The following RIMS2 variants were observed in gnomAD, a reference collection of about 807,000 sequenced individuals.
The protein encoded by RIMS2 is regulating synaptic membrane exocytosis 2.
A neutral mutation model predicts 174.4 loss-of-function variants in RIMS2; 59 were observed. That is an observed-to-expected ratio of 0.34 (90% CI 0.27 to 0.42). The LOEUF (loss-of-function observed/expected upper bound fraction) is 0.42, where lower values mean the gene tolerates loss of function less well. Ranked by LOEUF, RIMS2 falls within the 10% of genes least tolerant of loss-of-function variation. The pLI, the probability that RIMS2 is intolerant of heterozygous loss-of-function variation, is 1.00. For missense variants in RIMS2, 1,620 were observed against 1,666.3 expected (o/e 0.97, Z 0.48); for synonymous variants, 606 against 572.5 (o/e 1.06, Z -0.84).
At chr8:103,598,006 T>C (rs890711764) in intron 1 of RIMS2, among the ~76,000 whole-genome samples, 4 of 152,306 alleles carry the variant, frequency 2.6e-5, no homozygotes, top group Admixed American at 6.5e-5. Context: ...TTTCTTGCTG[T>C]GGGTCAAGTT....
At chr8:104,204,600 T>C (rs981152433) in intron 19 of RIMS2, among the ~76,000 whole-genome samples, 2 of 151,962 alleles carry the variant, frequency 1.3e-5, no homozygotes, top group Non-Finnish European at 2.9e-5. Flanking sequence ...CTGACCTCAA[T>C]TCCTCAACCT....
intron 1 of RIMS2, among the ~76,000 whole-genome samples, chr8:103,558,801 G>T (rs956780715): frequency 6.6e-6 from 1 of 152,182 alleles, no homozygotes; most frequent in Non-Finnish European, 1.5e-5. Flanking sequence ...CAAACAATAT[G>T]TGCAAAAATA....
chr8:103,699,416 G>A (rs2097143349), intron 2 of RIMS2, among the ~76,000 whole-genome samples: 1 of 152,074 alleles, frequency 6.6e-6, no homozygotes. Context: ...TTTTTGTAGA[G>A]ATGGGGTCTT....
chr8:103,710,181 A>G (rs1282697000), intron 2 of RIMS2, among the ~76,000 whole-genome samples: 1 of 152,146 alleles, frequency 6.6e-6, no homozygotes, highest in Non-Finnish European at 1.5e-5. Flanking sequence ...AGTTGGTCTT[A>G]CTAAGCTTAT....
chr8:104,039,326 C>T (rs1210955314), intron 19 of RIMS2, among the ~76,000 whole-genome samples: 1 of 151,620 alleles, frequency 6.6e-6, no homozygotes. Context: ...CTATTTCTGG[C>T]TCTGCAACTG....
intron 19 of RIMS2, among the ~76,000 whole-genome samples, chr8:104,100,801 T>TATATATTATATATTATATTATATATGTA (rs1566388537): frequency 1.1e-4 from 15 of 142,026 alleles, no homozygotes; most frequent in Non-Finnish European, 1.5e-4. Flanking sequence ...TCCTGTTATA[T>TATATATTATATATTATATTATATATGTA]ATATATTATA....
chr8:103,826,172 G>A (rs2098789723), intron 3 of RIMS2, among the ~76,000 whole-genome samples: 1 of 151,950 alleles, frequency 6.6e-6, no homozygotes, highest in Admixed American at 6.6e-5. Flanking sequence ...CCATTCTGTG[G>A]TTTGCCTGTT....
At chr8:104,232,664 T>C (rs532028294) in intron 19 of RIMS2, among the ~76,000 whole-genome samples, 1 of 152,294 alleles carries the variant, frequency 6.6e-6, no homozygotes, top group East Asian at 1.9e-4. Context: ...AATCACTACA[T>C]GCTGCTACAG....
intron 3 of RIMS2, among the ~76,000 whole-genome samples, chr8:103,865,026 G>A (rs150222519): frequency 4.7e-4 from 72 of 152,016 alleles, no homozygotes; most frequent in Non-Finnish European, 8.8e-5. Flanking sequence ...AAATAACAGC[G>A]CTTCCCAAAC....
At chr8:103,646,879 G>C (rs969114802) in intron 1 of RIMS2, among the ~76,000 whole-genome samples, 1 of 152,160 alleles carries the variant, frequency 6.6e-6, no homozygotes, top group Non-Finnish European at 1.5e-5. Context: ...TGTTGAGTAG[G>C]AGTGGTAGGA....
intron 3 of RIMS2, chr8:103,768,157 G>C (rs1283596455): frequency 2.9e-6 from 1 of 343,730 alleles, no homozygotes; most frequent in Non-Finnish European, 5.6e-6. Context: ...AATGGTCAAG[G>C]TATATGAAAA....
rs530631816 is a variant in RIMS2, at chr8:103,748,837, G to A, written c.388-17390G>A. ...TTTTTTGAGACAGAGTTTTACTCTT[G>A]TTGCCCAAGCTGGAGCGCAATGGCA... On this transcript the variant is annotated intron_variant, in intron 2 of 23. Transcript: ENST00000504942. 2.0e-5 allele frequency among the ~76,000 whole-genome samples: 3 copies of A among 150,466 alleles called. No individual in the cohort carries two copies. In the South Asian group the frequency reaches 6.3e-4, roughly 32 times the overall value.
chr8:104,160,292 C>T (rs1159901254), intron 19 of RIMS2, among the ~76,000 whole-genome samples: 1 of 152,020 alleles, frequency 6.6e-6, no homozygotes, highest in Non-Finnish European at 1.5e-5. Flanking sequence ...AGTTGATATC[C>T]ACAAAATACT....
At chr8:104,108,694 T>C (rs750558091) in intron 19 of RIMS2, among the ~76,000 whole-genome samples, 28 of 152,154 alleles carry the variant, frequency 1.8e-4, no homozygotes, top group Non-Finnish European at 3.5e-4. Flanking sequence ...ATGGCAAAAA[T>C]AAGAAAATTT....
intron 3 of RIMS2, among the ~76,000 whole-genome samples, chr8:103,834,718 TTC>T (rs1482364667): frequency 1.6e-5 from 2 of 127,664 alleles, no homozygotes; most frequent in African/African-American, 3.6e-5. Flanking sequence ...CTTTCTTTCT[TTC>T]TTTCTTTCTT....
At chr8:103,522,212 T>A (rs1832039027) in intron 1 of RIMS2, among the ~76,000 whole-genome samples, 1 of 152,134 alleles carries the variant, frequency 6.6e-6, no homozygotes, top group Admixed American at 6.6e-5. Flanking sequence ...TAGGTTTGCC[T>A]AGACCTAACT....
At chr8:103,504,577 A>G (rs1364830392) in intron 1 of RIMS2, among the ~76,000 whole-genome samples, 2 of 152,074 alleles carry the variant, frequency 1.3e-5, no homozygotes, top group Non-Finnish European at 2.9e-5. Context: ...TTGTAACACA[A>G]ATTAGAAATT....
chr8:104,234,419 TA>T (rs34932905), intron 19 of RIMS2, among the ~76,000 whole-genome samples: 2,468 of 143,630 alleles, frequency 0.017, 56 homozygotes, highest in African/African-American at 0.055. Context: ...TCTGAAAGTT[TA>T]AAAAAAAAAA....
chr8:103,694,082 G>C (rs532069281), intron 1 of RIMS2, among the ~76,000 whole-genome samples: 8 of 152,262 alleles, frequency 5.3e-5, no homozygotes, highest in Non-Finnish European at 1.0e-4. Context: ...GCTTGGCACT[G>C]GGTTCTACTG....
Sources: gnomAD v4.1 joint callset for allele counts (sites outside exome capture counted in the v4.1 genomes callset) on GRCh38, gnomAD v4.1.1 for gene constraint, MANE v1.5 for transcripts, NCBI Gene and HGNC (gene_info 2026-07-23, HGNC 2026-07-21) for gene names.